SAMMSON: variants seen among roughly 807,000 people sequenced by gnomAD.
SAMMSON encodes the protein survival associated mitochondrial melanoma specific oncogenic non-coding RNA, also known as long intergenic non-protein coding RNA 1212.
chr3:70,007,036 C>G (rs1247264601), intron 1 of SAMMSON, among the ~76,000 whole-genome samples: 1 of 152,072 alleles, frequency 6.6e-6, no homozygotes, highest in Non-Finnish European at 1.5e-5. Flanking sequence ...TTTTCTTCAT[C>G]CAGTCTATCA....
intron 4 of SAMMSON, among the ~76,000 whole-genome samples, chr3:70,154,962 C>A (rs1462336130): frequency 6.7e-6 from 1 of 149,794 alleles, no homozygotes; most frequent in African/African-American, 2.5e-5. Flanking sequence ...TTTAGGACAG[C>A]AAAGGAAAAT....
intron 7 of SAMMSON, among the ~76,000 whole-genome samples, chr3:70,308,241 AT>A (rs71803178): frequency 0.31 from 46,401 of 148,642 alleles, 7,386 homozygotes; most frequent in East Asian, 0.43. Flanking sequence ...TTTTTATTTT[AT>A]TTTTTTTTTG....
At chr3:70,248,170 A>G (rs1458448524) in intron 4 of SAMMSON, among the ~76,000 whole-genome samples, 1 of 152,126 alleles carries the variant, frequency 6.6e-6, no homozygotes, top group Non-Finnish European at 1.5e-5. Flanking sequence ...ACAGTCTAAT[A>G]GGACAGAAAC....
At chr3:70,390,772 T>C (rs1194987488), downstream of SAMMSON, among the ~76,000 whole-genome samples, 1 of 152,140 alleles carries the variant, frequency 6.6e-6, no homozygotes, top group African/African-American at 2.4e-5. Context: ...TGTCAATAAA[T>C]ACAATTTTTT....
chr3:70,370,883 T>C (rs1702963101), intron 9 of SAMMSON, among the ~76,000 whole-genome samples: 1 of 152,020 alleles, frequency 6.6e-6, no homozygotes, highest in South Asian at 2.1e-4. Context: ...GTCATAAACT[T>C]TTTGCCTAGA....
At chr3:70,427,182 T>G (rs531495818) in intron 2 of SAMMSON, among the ~76,000 whole-genome samples, 2 of 152,170 alleles carry the variant, frequency 1.3e-5, no homozygotes, top group Non-Finnish European at 2.9e-5. Context: ...ACATTTCTAT[T>G]AAGGTGACAC....
At chr3:70,210,315 T>C (rs930441047) in intron 4 of SAMMSON, among the ~76,000 whole-genome samples, 1 of 152,126 alleles carries the variant, frequency 6.6e-6, no homozygotes, top group African/African-American at 2.4e-5. Flanking sequence ...TTATTTTAAT[T>C]CTATATCTCT....
intron 4 of SAMMSON, among the ~76,000 whole-genome samples, chr3:70,196,126 G>T (rs1276739914): frequency 6.6e-6 from 1 of 152,156 alleles, no homozygotes; most frequent in Non-Finnish European, 1.5e-5. Context: ...AAATAAAAAT[G>T]AAGAAAGTGA....
intron 3 of SAMMSON, among the ~76,000 whole-genome samples, chr3:70,049,252 A>G (rs1356787188): frequency 6.6e-6 from 1 of 152,138 alleles, no homozygotes; most frequent in African/African-American, 2.4e-5. Context: ...AGGTCTGTGC[A>G]TATGATGCTT....
At chr3:70,177,006 G>A (rs192287114) in intron 4 of SAMMSON, among the ~76,000 whole-genome samples, 10 of 152,218 alleles carry the variant, frequency 6.6e-5, no homozygotes, top group South Asian at 2.1e-4. Flanking sequence ...AGCTAAGGAC[G>A]AAAACTTTAC....
intron 2 of SAMMSON, among the ~76,000 whole-genome samples, chr3:70,431,353 A>G (rs1232402487): frequency 6.6e-6 from 1 of 152,050 alleles, no homozygotes; most frequent in East Asian, 1.9e-4. Flanking sequence ...ATCCTTTGTC[A>G]GGTATAACCT....
At chr3:70,216,338 C>T (rs1447098510) in intron 4 of SAMMSON, among the ~76,000 whole-genome samples, 1 of 150,708 alleles carries the variant, frequency 6.6e-6, no homozygotes, top group Admixed American at 6.6e-5. Context: ...TATATATAAA[C>T]TTGTAGTGCT....
chr3:70,153,399 C>G (rs967228002), intron 4 of SAMMSON, among the ~76,000 whole-genome samples: 5 of 151,916 alleles, frequency 3.3e-5, no homozygotes, highest in African/African-American at 9.7e-5. Context: ...CCCTGCAAGT[C>G]ACAGAGCATT....
At chr3:70,089,355 GT>G (rs2067297526) in intron 4 of SAMMSON, among the ~76,000 whole-genome samples, 1 of 152,248 alleles carries the variant, frequency 6.6e-6, no homozygotes, top group Admixed American at 6.5e-5. Flanking sequence ...CTTCACAGTA[GT>G]TTTATGAGGT....
intron 1 of SAMMSON, among the ~76,000 whole-genome samples, chr3:70,009,823 A>G (rs1310222346): frequency 6.7e-6 from 1 of 150,354 alleles, no homozygotes; most frequent in Non-Finnish European, 1.5e-5. Context: ...TGTCCCAGAG[A>G]TTCTGGTATG....
intron 4 of SAMMSON, among the ~76,000 whole-genome samples, chr3:70,206,299 A>G (rs1289657008): frequency 2.0e-5 from 3 of 152,034 alleles, no homozygotes; most frequent in Non-Finnish European, 2.9e-5. Flanking sequence ...TATCTGCCTC[A>G]TAGCCCCATA....
rs1416311642 is a variant in SAMMSON at position 70,395,328 on chromosome 3, TCTC to T, written n.233+37005_233+37007del. On this transcript the variant is annotated intron_variant and non_coding_transcript_variant, in intron 2 of 3. Transcript: ENST00000641053. Reference sequence around the variant, plus strand: ...CTCCTCTCCTCTCCTTCTCTCTCTCTCTCTTTTTTTTTTTTTTTTTTGTGTTGT... The same window carrying T: ...CTCCTCTCCTCTCCTTCTCTCTCTCTTTTTTTTTTTTTTTTTTTGTGTTGT... Among the ~76,000 whole-genome samples the T allele has an allele frequency of 3.5e-3, 420 of 120,726 alleles. 3 individuals are homozygous for T. The highest frequency in any genetic ancestry group is 0.012 in the African/African-American group (380 of 30,746). 79.2% of individuals were successfully genotyped at this position (120,726 alleles called of 152,430 possible). A position where few individuals can be genotyped will look rare whatever the true frequency, so the allele number is the denominator to read the frequency against.
At chr3:70,054,512 A>G (rs912570784) in intron 3 of SAMMSON, among the ~76,000 whole-genome samples, 4 of 152,074 alleles carry the variant, frequency 2.6e-5, no homozygotes, top group Non-Finnish European at 4.4e-5. Context: ...TTGACCTTCA[A>G]ATCTGACCAT....
At chr3:70,188,201 T>A (rs1442175015) in intron 4 of SAMMSON, among the ~76,000 whole-genome samples, 1 of 152,180 alleles carries the variant, frequency 6.6e-6, no homozygotes, top group Non-Finnish European at 1.5e-5. Context: ...AGACATGGGG[T>A]TTGAAGTCAG....
Sources: allele counts gnomAD v4.1 joint callset (sites outside exome capture counted in the v4.1 genomes callset), GRCh38; gene constraint gnomAD v4.1.1; transcripts MANE v1.5; gene names NCBI Gene and HGNC (gene_info 2026-07-23, HGNC 2026-07-21).